ITGB1: variants seen among roughly 807,000 people sequenced by gnomAD.
The protein encoded by ITGB1 is integrin subunit beta 1.
Under a neutral mutation model 86.5 loss-of-function variants are expected in ITGB1, and 24 were observed. The observed-to-expected ratio is 0.28, with a 90% CI of 0.20 to 0.39. ITGB1 has a LOEUF of 0.39. Among genes scored for constraint, ITGB1 ranks in the 10% least tolerant of loss-of-function variants. The pLI is 1.00. For missense variants in ITGB1, 556 were observed against 946.9 expected, an observed-to-expected ratio of 0.59 and a Z score of 5.42; for synonymous variants, 323 against 316.8, an observed-to-expected ratio of 1.02 and a Z score of -0.21.
At chr10:32,929,561 A>C (rs1322047008) in intron 4 of ITGB1, among the ~76,000 whole-genome samples, 2 of 152,232 alleles carry the variant, frequency 1.3e-5, no homozygotes, top group East Asian at 3.8e-4. Flanking sequence ...TTTAAAACTC[A>C]CTAAAGCTAA....
At chr10:32,950,444 CTT>C (rs1485789655) in intron 1 of ITGB1, among the ~76,000 whole-genome samples, 1 of 152,168 alleles carries the variant, frequency 6.6e-6, no homozygotes, top group Non-Finnish European at 1.5e-5. Context: ...AAACTCAACA[CTT>C]TTTTTCCTTC....
At chr10:32,914,384 G>C (rs1432241419) in intron 11 of ITGB1, among the ~76,000 whole-genome samples, 12 of 152,142 alleles carry the variant, frequency 7.9e-5, no homozygotes, top group Non-Finnish European at 1.5e-5. Context: ...TGGATAAAGA[G>C]TCAAGACCCA....
chr10:32,924,675 G>C (rs1045159405), intron 6 of ITGB1, among the ~76,000 whole-genome samples: 1 of 152,178 alleles, frequency 6.6e-6, no homozygotes, highest in South Asian at 2.1e-4. Context: ...ACAACGAGCT[G>C]CTAACAGGCT....
intron 1 of ITGB1, among the ~76,000 whole-genome samples, chr10:32,954,027 C>G (rs897613699): frequency 1.3e-5 from 2 of 152,122 alleles, no homozygotes; most frequent in African/African-American, 4.8e-5. Context: ...TTCCCAGGTC[C>G]TCCTTCAGCC....
At chr10:32,925,602 T>A (rs1363918351) in intron 6 of ITGB1, among the ~76,000 whole-genome samples, 1 of 152,084 alleles carries the variant, frequency 6.6e-6, no homozygotes, top group African/African-American at 2.4e-5. Context: ...TACAGAGAGG[T>A]TGCCCCGCTG....
At position 32,923,883 on chromosome 10, in the gene ITGB1, T is replaced by C. The variant is rs530815485; in HGVS notation, c.787-143A>G. 8 of 694,436 alleles carry C rather than the reference T, an allele frequency of 1.2e-5. No homozygotes were observed. In the African/African-American group the frequency reaches 1.5e-4, roughly 13 times the overall value. The allele number at this position is 694,436 out of a possible 1,614,324, so 43.0% of individuals were successfully genotyped here. A position where few individuals can be genotyped will look rare whatever the true frequency, so the allele number is the denominator to read the frequency against. ...TTCTCTTTATACAATGGTAATTATC[T>C]TGCTGAGAAACACACAAAGCCCACT... On this transcript the variant is annotated intron_variant, in intron 6 of 15. Coordinates refer to ENST00000302278, the MANE Select transcript of ITGB1 (RefSeq NM_002211.4).
chr10:32,918,853 C>T (rs929071738), intron 11 of ITGB1, among the ~76,000 whole-genome samples: 6 of 152,150 alleles, frequency 3.9e-5, no homozygotes, highest in African/African-American at 1.4e-4. Flanking sequence ...ACTGTGTATA[C>T]CACTTAAAAT....
chr10:32,913,357 T>A (rs1168027319), intron 11 of ITGB1, among the ~76,000 whole-genome samples: 6 of 152,044 alleles, frequency 3.9e-5, no homozygotes. Flanking sequence ...TAATCGGTAA[T>A]AACAAACTTG....
chr10:32,944,912 G>A (rs921263349), intron 1 of ITGB1: 12 of 1,335,938 alleles, frequency 9.0e-6, no homozygotes, highest in Non-Finnish European at 1.2e-5. Context: ...AAAGGCTTAT[G>A]AAGCCCAAAC....
At chr10:32,936,124 T>C (rs1181279875) in intron 1 of ITGB1, 1 of 152,212 alleles carries the variant, frequency 6.6e-6, no homozygotes, top group African/African-American at 2.4e-5. Context: ...GTTTTCCTAT[T>C]ATCTCTCTTT....
chr10:32,921,002 AAAACAG>A (rs1273152573), intron 9 of ITGB1, among the ~76,000 whole-genome samples: 42 of 151,408 alleles, frequency 2.8e-4, no homozygotes, highest in South Asian at 6.3e-4. Context: ...AACAAAAACA[AAAACAG>A]AAACCCCCCA....
chr10:32,917,662 A>C (rs1287380209), intron 11 of ITGB1, among the ~76,000 whole-genome samples: 1 of 152,252 alleles, frequency 6.6e-6, no homozygotes, highest in Admixed American at 6.5e-5. Flanking sequence ...CACACCAGTT[A>C]GAATGGCGAT....
At chr10:32,926,171 T>G in intron 5 of ITGB1, 62 bp from the exon 6 acceptor site, 1 of 1,225,098 alleles carries the variant, frequency 8.2e-7, no homozygotes, top group South Asian at 1.3e-5. Context: ...AGACAGAGAT[T>G]TGCATTGTTT....
intron 4 of ITGB1, among the ~76,000 whole-genome samples, 181 bp from the exon 5 acceptor site, chr10:32,928,445 A>G (rs2094972476): frequency 1.3e-5 from 2 of 152,258 alleles, no homozygotes; most frequent in African/African-American, 4.8e-5. Flanking sequence ...GTTTCATTCA[A>G]CAAATACTTT....
At chr10:32,944,285 C>T (rs1683766201) in intron 1 of ITGB1, among the ~76,000 whole-genome samples, 1 of 152,260 alleles carries the variant, frequency 6.6e-6, no homozygotes, top group Admixed American at 6.5e-5. Context: ...GAGCCACAGT[C>T]CCCGCCCACT....
intron 4 of ITGB1, among the ~76,000 whole-genome samples, chr10:32,929,525 T>C (rs1185759996): frequency 6.6e-5 from 10 of 152,212 alleles, no homozygotes; most frequent in Non-Finnish European, 1.5e-4. Context: ...ATTATGTAAT[T>C]AGACCAGAGG....
Position 32,920,183 on chromosome 10 carries a change from ATAAAC to A in ITGB1, c.1269+57_1269+61del, listed in dbSNP as rs1432024597. 19 of 1,576,580 alleles carry A rather than the reference ATAAAC, an allele frequency of 1.2e-5. No homozygotes were observed. In the Middle Eastern group the frequency reaches 6.8e-4, roughly 57 times the overall value. On this transcript the variant is annotated intron_variant, in intron 10 of 15. Transcript: ENST00000302278. ...CACTTATTTTAATGTTTCTCAAACT[ATAAAC>A]TAAATTTGCTTATAAATAACCAATG... is the stretch of plus-strand genomic sequence containing the variant.
At chr10:32,952,859 C>T (rs1176600565) in intron 1 of ITGB1, among the ~76,000 whole-genome samples, 1 of 152,156 alleles carries the variant, frequency 6.6e-6, no homozygotes, top group African/African-American at 2.4e-5. Flanking sequence ...GAGTGAATGA[C>T]AAATCTTCAG....
intron 11 of ITGB1, among the ~76,000 whole-genome samples, chr10:32,915,577 A>G (rs1361756192): frequency 6.6e-6 from 1 of 152,214 alleles, no homozygotes; most frequent in Non-Finnish European, 1.5e-5. Context: ...AAATGGATAA[A>G]TTCCTGGACA....
Sources: allele counts gnomAD v4.1 joint callset (sites outside exome capture counted in the v4.1 genomes callset), GRCh38; gene constraint gnomAD v4.1.1; transcripts MANE v1.5; gene names NCBI Gene and HGNC (gene_info 2026-07-23, HGNC 2026-07-21).